Variants in ABLIM2 observed in about 807,000 individuals in gnomAD.
The protein encoded by ABLIM2 is actin-binding LIM protein 2.
Under a neutral mutation model 97.7 loss-of-function variants are expected in ABLIM2, and 53 were observed. The ratio of observed to expected loss-of-function variants is 0.54; its 90% CI spans 0.44 to 0.68. The LOEUF (loss-of-function observed/expected upper bound fraction) is 0.68, where lower values mean the gene tolerates loss of function less well. Among genes scored for constraint, ABLIM2 ranks in the 30% least tolerant of loss-of-function variants. The probability of loss-of-function intolerance (pLI) is 0.00; values close to 1 mark genes in which losing one functional copy is unlikely to be tolerated. For synonymous variants in ABLIM2, 361 were observed against 345.8 expected (o/e 1.04, Z -0.49); for missense variants, 835 against 867.2 (o/e 0.96, Z 0.47).
In ABLIM2 at chr4:8,006,928, G is replaced by A. The variant is rs533988110; in HGVS notation, c.1618+1131C>T. On this transcript the variant is annotated intron_variant, in intron 16 of 20. Transcript: ENST00000447017. ...ACATCAGCCTTGTGCCTGAATGCTGGGATCCTGGTATTTACAAAGCTGCAC... is the reference window on the plus strand; with the variant it reads ...ACATCAGCCTTGTGCCTGAATGCTGAGATCCTGGTATTTACAAAGCTGCAC... 62 of 730,378 alleles carry A rather than the reference G, an allele frequency of 8.5e-5. No individual in the cohort carries two copies. The South Asian group carries it at 1.4e-3, about 16-fold the overall frequency. The allele number at this position is 730,378 out of a possible 1,614,324, so 45.2% of individuals were successfully genotyped here. A position where few individuals can be genotyped will look rare whatever the true frequency, so the allele number is the denominator to read the frequency against.
At position 8,045,826 on chromosome 4, in the gene ABLIM2, G is replaced by C. The variant is rs527514855; in HGVS notation, c.823-585C>G. On this transcript the variant is annotated intron_variant, in intron 8 of 20. Coordinates refer to ENST00000447017, the MANE Select transcript of ABLIM2 (RefSeq NM_001130083.2). ...ATTCTGCAAGCTCCGGTTATGCTCA[G>C]AGGCGTCATTTTCCACCGGGATTAT... Among the ~76,000 whole-genome samples the C allele has an allele frequency of 2.6e-5, 4 of 152,242 alleles. No homozygotes were observed. In the East Asian group the frequency reaches 7.7e-4, roughly 29 times the overall value.
At position 8,082,325 on chromosome 4, in the gene ABLIM2, A is replaced by G. The variant is rs1820455035; in HGVS notation, c.455-1523T>C. Among the ~76,000 whole-genome samples the G allele has an allele frequency of 6.6e-6, 1 of 152,086 alleles. No homozygotes were observed. Among genetic ancestry groups the G allele is most frequent in the South Asian group, 2.1e-4 (1 of 4,822 alleles). ...CTCCTGCGGGAGCCCCCATTTCCTC[A>G]TCGTGGGGTGGGGTGATCACCTCCT... On this transcript the variant is annotated intron_variant, in intron 4 of 20. Transcript: ENST00000447017. This position sits in a 1 kb window ranked among gnomAD's most constrained non-coding sequence, Gnocchi z 5.6.
intron 2 of ABLIM2, among the ~76,000 whole-genome samples, chr4:8,105,627 G>C (rs1294711768): frequency 6.6e-6 from 1 of 152,244 alleles, no homozygotes; most frequent in African/African-American, 2.4e-5. Flanking sequence ...AAGCGAGTGT[G>C]AATCTCCAAA....
intron 6 of ABLIM2, among the ~76,000 whole-genome samples, chr4:8,073,760 C>G (rs999729033): frequency 6.6e-6 from 1 of 152,192 alleles, no homozygotes; most frequent in Non-Finnish European, 1.5e-5. Context: ...ACATTTACAA[C>G]AGATAACTGA....
At chr4:8,116,440 T>C (rs1320978106) in intron 1 of ABLIM2, among the ~76,000 whole-genome samples, 1 of 152,218 alleles carries the variant, frequency 6.6e-6, no homozygotes, top group African/African-American at 2.4e-5. Context: ...CACATGGGCT[T>C]ACACAAGATG....
rs969681121 is a variant in ABLIM2 at position 8,113,453 on chromosome 4, C to T, written c.11-6816G>A. Among the ~76,000 whole-genome samples the T allele has an allele frequency of 6.6e-6, 1 of 152,200 alleles. No individual in the cohort carries two copies. The highest frequency in any genetic ancestry group is 1.5e-5 in the Non-Finnish European group (1 of 68,038). ...GCCCACGGATCTATATTTAGTTCCA[C>T]CCTTCTCTAAGGGCCCAGTGAACTT... On this transcript the variant is annotated intron_variant, in intron 1 of 20. Coordinates refer to ENST00000447017, the MANE Select transcript of ABLIM2 (RefSeq NM_001130083.2). This position sits in a 1 kb window ranked among gnomAD's most constrained non-coding sequence, Gnocchi z 4.5.
intron 8 of ABLIM2, among the ~76,000 whole-genome samples, chr4:8,049,751 C>T (rs1456138908): frequency 1.3e-5 from 2 of 152,182 alleles, no homozygotes; most frequent in East Asian, 3.9e-4. Context: ...TTTTTTGAGA[C>T]AGGGTCTCAC....
At chr4:8,145,575 G>C (rs1230044792) in intron 1 of ABLIM2, among the ~76,000 whole-genome samples, 1 of 152,076 alleles carries the variant, frequency 6.6e-6, no homozygotes, top group African/African-American at 2.4e-5. Context: ...GCACACCCAG[G>C]ATATATTTAG....
At position 7,984,879 on chromosome 4, in the gene ABLIM2, G is replaced by A; in HGVS notation, c.1695C>T (p.Ala565=). The A allele has an allele frequency of 6.2e-7, 1 of 1,608,814 alleles. No homozygotes were observed. Among genetic ancestry groups the A allele is most frequent in the Non-Finnish European group, 8.5e-7 (1 of 1,177,946 alleles). ...TGGCATCCGGGTCTGCTCCACAGGG[G>A]GCCAGATTGGCATTCTGGAAGAGAA... ...NGLDQRNANL[A]PCGADPDASW... Residue 565 remains alanine, a synonymous_variant, in exon 18 of 21, where the codon GCC becomes GCT. Coordinates refer to ENST00000447017, the MANE Select transcript of ABLIM2 (RefSeq NM_001130083.2).
chr4:8,011,655 G>C (rs778727123), intron 14 of ABLIM2, among the ~76,000 whole-genome samples: 2 of 152,212 alleles, frequency 1.3e-5, no homozygotes, highest in Non-Finnish European at 1.5e-5. Flanking sequence ...TGCTGCTTTG[G>C]GATGTCAGAA....
chr4:8,035,830 A>T (rs1366331195), intron 10 of ABLIM2, among the ~76,000 whole-genome samples: 2 of 152,236 alleles, frequency 1.3e-5, no homozygotes, highest in Non-Finnish European at 2.9e-5. Context: ...CTAATACTTA[A>T]GAAAATTAGG....
At position 8,087,715 on chromosome 4, in the gene ABLIM2, G is replaced by A. The variant is rs1248145444; in HGVS notation, c.454+454C>T. Among the ~76,000 whole-genome samples the A allele has an allele frequency of 6.6e-6, 1 of 152,120 alleles. No individual in the cohort carries two copies. Among genetic ancestry groups the A allele is most frequent in the Non-Finnish European group, 1.5e-5 (1 of 68,016 alleles). ...GCAGCAGTGGGCATTAGATGGGAAAGCAGCAGTGGACATTAGATGGGAAAG... is the reference window on the plus strand; with the variant it reads ...GCAGCAGTGGGCATTAGATGGGAAAACAGCAGTGGACATTAGATGGGAAAG... On this transcript the variant is annotated intron_variant, in intron 4 of 20. Coordinates refer to ENST00000447017, the MANE Select transcript of ABLIM2 (RefSeq NM_001130083.2). This position sits in a 1 kb window ranked among gnomAD's most constrained non-coding sequence, Gnocchi z 4.6.
At chr4:8,081,754 G>A (rs958936059) in intron 4 of ABLIM2, among the ~76,000 whole-genome samples, 1 of 152,142 alleles carries the variant, frequency 6.6e-6, no homozygotes, top group Non-Finnish European at 1.5e-5. Context: ...CGGCAGAGAC[G>A]CTGTGACAGC....
At position 8,112,232 on chromosome 4, in the gene ABLIM2, C is replaced by A. The variant is rs1422441572; in HGVS notation, c.11-5595G>T. 2.0e-5 allele frequency among the ~76,000 whole-genome samples: 3 copies of A among 152,222 alleles called. No homozygotes were observed. Among genetic ancestry groups the A allele is most frequent in the African/African-American group, 7.2e-5 (3 of 41,456 alleles). ...GCTCTCTCAGGAAATCCCCCTGCCT[C>A]CCCCTCCAGGCTGAACTCCTGGTCT... On this transcript the variant is annotated intron_variant, in intron 1 of 20. Coordinates refer to ENST00000447017, the MANE Select transcript of ABLIM2 (RefSeq NM_001130083.2). The surrounding 1 kb of genome is among the most constrained non-coding windows in gnomAD (Gnocchi z 4.2).
At chr4:8,121,525 C>T (rs894962873) in intron 1 of ABLIM2, among the ~76,000 whole-genome samples, 1 of 152,192 alleles carries the variant, frequency 6.6e-6, no homozygotes, top group East Asian at 1.9e-4. Flanking sequence ...ACACTGACTC[C>T]CCTGCCACCC....
Position 8,029,673 on chromosome 4 carries a change from T to A in ABLIM2, c.1151A>T (p.Gln384Leu). ...GRYTPTSRSP[Q>L]HYSRPAGTVS... ...CCAAGTACCTGGACGGCTGTAGTGC[T>A]GTGGTGACCGTGAGGTCGGAGTGTA... is the stretch of plus-strand genomic sequence containing the variant. Residue 384 changes from glutamine (Q) to leucine (L), a missense_variant, in exon 11 of 21, where the codon CAG becomes CTG. Coordinates refer to ENST00000447017, the MANE Select transcript of ABLIM2 (RefSeq NM_001130083.2). The A allele has an allele frequency of 1.3e-6, 2 of 1,548,836 alleles. No homozygotes were observed. Among genetic ancestry groups the A allele is most frequent in the Non-Finnish European group, 8.7e-7 (1 of 1,146,324 alleles).
At position 8,003,561 on chromosome 4, in the gene ABLIM2, C is replaced by CT. The variant is rs796877068; in HGVS notation, c.1618+4497dup. Among the ~76,000 whole-genome samples the CT allele has an allele frequency of 0.038, 4,592 of 120,136 alleles. 84 individuals carry two copies. The highest frequency in any genetic ancestry group is 0.048 in the Non-Finnish European group (2,672 of 56,180). The allele number at this position is 120,136 out of a possible 152,430, so 78.8% of individuals were successfully genotyped here. A position where few individuals can be genotyped will look rare whatever the true frequency, so the allele number is the denominator to read the frequency against. On this transcript the variant is annotated intron_variant, in intron 16 of 20. Coordinates refer to ENST00000447017, the MANE Select transcript of ABLIM2 (RefSeq NM_001130083.2). The surrounding 1 kb of genome is among the most constrained non-coding windows in gnomAD (Gnocchi z 4.2). ...ACCACTACGCTCTTCTTCCAGTTTT[C>CT]TTTTTTTTTTTTTTTTTTTTTGGAG...
Position 8,075,920 on chromosome 4 carries a change from T to C in ABLIM2, c.675+1708A>G, listed in dbSNP as rs530270631. ...TGGTTTGAGATCAACTATGATTACATGGAAAGAAAAAACGAAAGAAAACTG... is the reference window on the plus strand; with the variant it reads ...TGGTTTGAGATCAACTATGATTACACGGAAAGAAAAAACGAAAGAAAACTG... On this transcript the variant is annotated intron_variant, in intron 6 of 20. Transcript: ENST00000447017. The surrounding 1 kb of genome is among the most constrained non-coding windows in gnomAD (Gnocchi z 4.4). Among the ~76,000 whole-genome samples the C allele has an allele frequency of 1.2e-3, 189 of 152,318 alleles. 1 individual carries two copies. Among genetic ancestry groups the C allele is most frequent in the African/African-American group, 4.2e-3 (175 of 41,580 alleles).
At chr4:8,121,087 T>C (rs1447609725) in intron 1 of ABLIM2, among the ~76,000 whole-genome samples, 3 of 152,346 alleles carry the variant, frequency 2.0e-5, no homozygotes, top group East Asian at 3.9e-4. Context: ...AGAGCTGGCC[T>C]CAGAGCCCAG....
Sources: gnomAD v4.1 joint callset for allele counts (sites outside exome capture counted in the v4.1 genomes callset) on GRCh38, gnomAD v4.1.1 for gene constraint, Gnocchi (gnomAD v3.1) non-coding constraint, MANE v1.5 for transcripts, NCBI Gene and HGNC (gene_info 2026-07-23, HGNC 2026-07-21) for gene names.